PPP3CA: variants seen among roughly 807,000 people sequenced by gnomAD.
The protein encoded by PPP3CA is protein phosphatase 3 catalytic subunit alpha.
A neutral mutation model predicts 66.5 loss-of-function variants in PPP3CA; 14 were observed. The observed-to-expected ratio is 0.21, with a 90% CI of 0.14 to 0.33. The LOEUF is 0.33. PPP3CA is among the 10% of genes least tolerant of loss of function. The pLI, the probability that PPP3CA is intolerant of heterozygous loss-of-function variation, is 1.00. For missense variants in PPP3CA, 317 were observed against 639.5 expected, an observed-to-expected ratio of 0.50 and a Z score of 5.44; for synonymous variants, 232 against 226.2, an observed-to-expected ratio of 1.03 and a Z score of -0.23.
At position 101,031,537 on chromosome 4, in the gene PPP3CA, T is replaced by C. The variant is rs923611364; in HGVS notation, c.1339+730A>G. Among the ~76,000 whole-genome samples, 5 of 152,236 alleles carry C rather than the reference T, an allele frequency of 3.3e-5. No homozygotes were observed. In the South Asian group the frequency reaches 8.3e-4, roughly 25 times the overall value. On this transcript the variant is annotated intron_variant, in intron 12 of 13. Coordinates refer to ENST00000394854, the MANE Select transcript of PPP3CA (RefSeq NM_000944.5). ...TATTTTAATTAAATTTAATATAAATTAGATAAAAGAAAACGTTTAGTTTCT... is the reference window on the plus strand; with the variant it reads ...TATTTTAATTAAATTTAATATAAATCAGATAAAAGAAAACGTTTAGTTTCT...
At chr4:101,336,771 G>T (rs1427822681) in intron 1 of PPP3CA, among the ~76,000 whole-genome samples, 1 of 152,054 alleles carries the variant, frequency 6.6e-6, no homozygotes, top group South Asian at 2.1e-4. Flanking sequence ...GGAGTGAGAG[G>T]TATATGGAAT....
intron 2 of PPP3CA, among the ~76,000 whole-genome samples, chr4:101,166,091 C>T (rs1481915045): frequency 6.6e-6 from 1 of 152,112 alleles, no homozygotes; most frequent in Non-Finnish European, 1.5e-5. Flanking sequence ...CACATTCCAA[C>T]TTAAAAGTAT....
intron 1 of PPP3CA, among the ~76,000 whole-genome samples, chr4:101,326,655 G>A (rs1299026680): frequency 1.3e-5 from 2 of 152,110 alleles, no homozygotes; most frequent in African/African-American, 2.4e-5. Context: ...CCAAAATGCC[G>A]TGTCCTGAAA....
At chr4:101,121,236 C>T (rs1431127559) in intron 2 of PPP3CA, among the ~76,000 whole-genome samples, 2 of 151,512 alleles carry the variant, frequency 1.3e-5, no homozygotes, top group African/African-American at 2.4e-5. Context: ...AATTGAAACA[C>T]ATATTCATAA....
chr4:101,330,375 C>A lies in PPP3CA; in HGVS notation c.58+16364G>T, dbSNP rs192307370. On this transcript the variant is annotated intron_variant, in intron 1 of 13. Transcript: ENST00000394854. The stretch of plus-strand genomic sequence containing the variant: ...CTTTAGAATCTAAAAAATCTACTTT[C>A]TTTGCTCATCCTTGAGAAGCAACTC... 451 of 517,514 alleles carry A rather than the reference C, an allele frequency of 8.7e-4. 4 individuals carry two copies. Among genetic ancestry groups the A allele is most frequent in the African/African-American group, 8.0e-3 (400 of 50,206 alleles). The allele number at this position is 517,514 out of a possible 1,614,324, so 32.1% of individuals were successfully genotyped here.
chr4:101,207,266 T>A (rs986050096), intron 1 of PPP3CA, among the ~76,000 whole-genome samples: 1 of 152,180 alleles, frequency 6.6e-6, no homozygotes, highest in Non-Finnish European at 1.5e-5. Context: ...AAGGAACATT[T>A]TCCTAGTTTA....
intron 1 of PPP3CA, among the ~76,000 whole-genome samples, chr4:101,278,381 C>T (rs1727578119): frequency 6.6e-6 from 1 of 152,038 alleles, no homozygotes; most frequent in Non-Finnish European, 1.5e-5. Context: ...AGAATTAGGT[C>T]CATTAACTGC....
chr4:101,164,164 C>T (rs919059842), intron 2 of PPP3CA, among the ~76,000 whole-genome samples: 1 of 152,060 alleles, frequency 6.6e-6, no homozygotes, highest in Non-Finnish European at 1.5e-5. Context: ...CAAATCTCCT[C>T]TCCTTCTCAA....
intron 1 of PPP3CA, among the ~76,000 whole-genome samples, chr4:101,325,993 GCC>G: frequency 6.6e-6 from 1 of 152,198 alleles, no homozygotes; most frequent in East Asian, 1.9e-4. Flanking sequence ...AAAAACATTA[GCC>G]AGGTGGGGTC....
intron 11 of PPP3CA, among the ~76,000 whole-genome samples, chr4:101,033,297 C>A (rs1269976482): frequency 1.3e-4 from 8 of 62,046 alleles, no homozygotes; most frequent in African/African-American, 3.3e-4. Flanking sequence ...CACACAAACA[C>A]ACACACACAC....
chr4:101,025,845 A>T lies in PPP3CA; in HGVS notation c.*20T>A. ...CAAAAAAAAAAAAAAAAAAAAAAAA[A>T]AAAAGTGAACAGGAAGTGGTCACTG... On this transcript the variant is annotated 3_prime_UTR_variant, in exon 14 of 14. Coordinates refer to ENST00000394854, the MANE Select transcript of PPP3CA (RefSeq NM_000944.5). 1.4e-6 allele frequency: 2 copies of T among 1,428,962 alleles called. No individual in the cohort carries two copies. The highest frequency in any genetic ancestry group is 1.9e-6 in the Non-Finnish European group (2 of 1,076,202). The allele number at this position is 1,428,962 out of a possible 1,614,324, so 88.5% of individuals were successfully genotyped here.
rs1194034250 is a variant in PPP3CA, at chr4:101,250,223, T to TCTGG, written c.59-54111_59-54108dup. 2.7e-5 allele frequency: 9 copies of TCTGG among 327,372 alleles called. No individual in the cohort carries two copies. In the East Asian group the frequency reaches 9.7e-4, roughly 35 times the overall value. The allele number at this position is 327,372 out of a possible 1,614,324, so 20.3% of individuals were successfully genotyped here. A position where few individuals can be genotyped will look rare whatever the true frequency, so the allele number is the denominator to read the frequency against. On this transcript the variant is annotated intron_variant, in intron 1 of 13. Coordinates refer to ENST00000394854, the MANE Select transcript of PPP3CA (RefSeq NM_000944.5). ...AATAAGTTAAGCACCTAGGTCAAGG[T>TCTGG]CTGGGTCAAGGTCACGCAGTGTGGT...
Position 101,024,677 on chromosome 4 carries a change from TATA to T in PPP3CA, c.*1185_*1187del. 1 of 152,790 alleles carries T rather than the reference TATA, an allele frequency of 6.5e-6. No individual in the cohort carries two copies. The highest frequency in any genetic ancestry group is 1.9e-4 in the East Asian group (1 of 5,190). 9.5% of individuals were successfully genotyped at this position (152,790 alleles called of 1,614,324 possible). On this transcript the variant is annotated 3_prime_UTR_variant, in exon 14 of 14. Coordinates refer to ENST00000394854, the MANE Select transcript of PPP3CA (RefSeq NM_000944.5). ...GTTTCACATGTAACTACAAACTTAT[TATA>T]ATTTCACAAGGTTTGCTAAACATGC...
intron 8 of PPP3CA, among the ~76,000 whole-genome samples, chr4:101,072,135 G>T (rs1021406922): frequency 6.6e-6 from 1 of 152,144 alleles, no homozygotes; most frequent in African/African-American, 2.4e-5. Context: ...AGGGAGAAAT[G>T]AATTATTTAT....
At chr4:101,210,075 A>C (rs1395319868) in intron 1 of PPP3CA, among the ~76,000 whole-genome samples, 1 of 152,142 alleles carries the variant, frequency 6.6e-6, no homozygotes, top group Non-Finnish European at 1.5e-5. Flanking sequence ...AATTTAATAG[A>C]TTCTCAAAAG....
At chr4:101,214,206 G>T (rs2659518) in intron 1 of PPP3CA, among the ~76,000 whole-genome samples, 1 of 151,980 alleles carries the variant, frequency 6.6e-6, no homozygotes, top group Non-Finnish European at 1.5e-5. Context: ...CTAAGACTCC[G>T]ATTACATGTA....
At chr4:101,030,018 A>C (rs1444612539) in intron 12 of PPP3CA, among the ~76,000 whole-genome samples, 1 of 152,076 alleles carries the variant, frequency 6.6e-6, no homozygotes, top group Non-Finnish European at 1.5e-5. Flanking sequence ...AAGAATAGGC[A>C]GCCTAAATAC....
intron 1 of PPP3CA, among the ~76,000 whole-genome samples, chr4:101,262,424 T>G (rs10016669): frequency 0.66 from 100,190 of 152,008 alleles, 34,032 homozygotes; most frequent in Non-Finnish European, 0.75. Flanking sequence ...TTTGTATTTA[T>G]TTTTTGTCTG....
intron 2 of PPP3CA, among the ~76,000 whole-genome samples, chr4:101,181,491 T>C (rs2850984): frequency 0.84 from 127,498 of 152,112 alleles, 53,947 homozygotes; most frequent in African/African-American, 0.96. Context: ...TGTTTTAAAA[T>C]TTATTTTAGT....
Sources: gnomAD v4.1 joint callset for allele counts (sites outside exome capture counted in the v4.1 genomes callset) on GRCh38, gnomAD v4.1.1 for gene constraint, MANE v1.5 for transcripts, NCBI Gene and HGNC (gene_info 2026-07-23, HGNC 2026-07-21) for gene names.